The following SCAPER variants were observed in gnomAD, a reference collection of about 807,000 sequenced individuals.
The protein encoded by SCAPER is S phase cyclin A-associated protein in the endoplasmic reticulum.
In SCAPER, 98 loss-of-function variants were observed where a neutral mutation model predicts 182.2. That is an observed-to-expected ratio of 0.54 (90% confidence interval 0.46 to 0.64). The LOEUF is 0.64. SCAPER is among the 30% of genes least tolerant of loss of function. The pLI, the probability that SCAPER is intolerant of heterozygous loss-of-function variation, is 0.00. For synonymous variants in SCAPER, 605 were observed against 564.6 expected (o/e 1.07, Z -1.01); for missense variants, 1,432 against 1,690.0 (o/e 0.85, Z 2.68).
chr15:76,495,675 G>T lies in SCAPER; in HGVS notation c.2954+9184C>A, dbSNP rs550681414. 3.9e-5 allele frequency among the ~76,000 whole-genome samples: 6 copies of T among 151,928 alleles called. 1 individual carries two copies. The highest frequency in any genetic ancestry group is 1.4e-4 in the African/African-American group (6 of 41,430). On this transcript the variant is annotated intron_variant, in intron 24 of 31. Coordinates refer to ENST00000563290, the MANE Select transcript of SCAPER (RefSeq NM_020843.4). ...ACTATGTCATTCTTTGGGGTTTGGG[G>T]TAGATGAATAATATGGAGATACTTC...
intron 5 of SCAPER, among the ~76,000 whole-genome samples, chr15:76,819,458 T>C (rs1016368048): frequency 2.6e-5 from 4 of 152,188 alleles, no homozygotes; most frequent in Non-Finnish European, 4.4e-5. Context: ...CCACTGCTGC[T>C]GATACCCAGG....
intron 24 of SCAPER, among the ~76,000 whole-genome samples, chr15:76,479,379 C>T (rs1043360226): frequency 2.6e-5 from 4 of 152,078 alleles, no homozygotes; most frequent in Non-Finnish European, 5.9e-5. Context: ...CAGAAAGCAC[C>T]AGATTTTCAA....
At position 76,371,983 on chromosome 15, in the gene SCAPER, TC is replaced by T. The variant is rs556076057; in HGVS notation, c.3855+4178del. On this transcript the variant is annotated intron_variant, in intron 29 of 31. Coordinates refer to ENST00000563290, the MANE Select transcript of SCAPER (RefSeq NM_020843.4). ...CTCCATAATGTGCAGTGTCTCAGCT[TC>T]TTAGAATTACTATCTTTTCTATCAG... is the stretch of plus-strand genomic sequence containing the variant. Among the ~76,000 whole-genome samples the T allele has an allele frequency of 2.6e-5, 4 of 152,254 alleles. No homozygotes were observed. In the South Asian group the frequency reaches 8.3e-4, roughly 32 times the overall value.
intron 23 of SCAPER, among the ~76,000 whole-genome samples, chr15:76,556,024 C>T (rs190667163): frequency 1.2e-4 from 19 of 152,274 alleles, no homozygotes; most frequent in Admixed American, 1.1e-3. Context: ...CAAAATCATA[C>T]TGACCATACT....
intron 27 of SCAPER, among the ~76,000 whole-genome samples, chr15:76,382,156 G>A (rs557609601): frequency 2.6e-5 from 4 of 152,214 alleles, no homozygotes; most frequent in East Asian, 1.9e-4. Flanking sequence ...ACAGGTTGTA[G>A]AAGCCACAGT....
At chr15:76,893,695 A>G (rs1439491162) in intron 1 of SCAPER, among the ~76,000 whole-genome samples, 1 of 152,230 alleles carries the variant, frequency 6.6e-6, no homozygotes, top group East Asian at 1.9e-4. Flanking sequence ...AACAAATCCA[A>G]GAAGATTTAA....
chr15:76,617,254 T>TG (rs1242739377), intron 22 of SCAPER, among the ~76,000 whole-genome samples: 1 of 152,222 alleles, frequency 6.6e-6, no homozygotes, highest in African/African-American at 2.4e-5. Flanking sequence ...TTCTAGTGTT[T>TG]TTACAGTTTC....
intron 21 of SCAPER, among the ~76,000 whole-genome samples, chr15:76,629,930 A>G (rs2052944959): frequency 6.6e-6 from 1 of 152,130 alleles, no homozygotes; most frequent in African/African-American, 2.4e-5. Context: ...CACCTGCCTC[A>G]ATTTCAGAAC....
chr15:76,733,211 T>C lies in SCAPER; in HGVS notation c.2022+18A>G. On this transcript the variant is annotated intron_variant, in intron 16 of 31. Transcript: ENST00000563290. ...TGACAGGTGCTCAAGCAATGTTTGCTGAATAAAAAAATCCTACCTGCACAG... is the reference window on the plus strand; with the variant it reads ...TGACAGGTGCTCAAGCAATGTTTGCCGAATAAAAAAATCCTACCTGCACAG... 2 of 1,552,848 alleles carry C rather than the reference T, an allele frequency of 1.3e-6. No individual in the cohort carries two copies. Among genetic ancestry groups the C allele is most frequent in the Middle Eastern group, 1.7e-4 (1 of 5,982 alleles).
intron 22 of SCAPER, 131 bp downstream of exon 22, chr15:76,621,633 T>G: frequency 1.3e-6 from 1 of 754,108 alleles, no homozygotes; most frequent in Non-Finnish European, 2.2e-6. Flanking sequence ...TGGATACTAC[T>G]GTGTTAAGAG....
In SCAPER at chr15:76,485,897, A is replaced by C. The variant is rs184188130; in HGVS notation, c.2955-14562T>G. Among the ~76,000 whole-genome samples the C allele has an allele frequency of 4.2e-3, 641 of 152,284 alleles. 2 individuals carry two copies. The highest frequency in any genetic ancestry group is 6.3e-3 in the Non-Finnish European group (429 of 68,014). On this transcript the variant is annotated intron_variant, in intron 24 of 31. Transcript: ENST00000563290. ...GCAAAAATTAACTCGAGATGGATTA[A>C]AGACTTAAATGTAAAACCGAAAACT...
At chr15:76,893,113 G>A (rs1194231933) in intron 1 of SCAPER, among the ~76,000 whole-genome samples, 1 of 152,130 alleles carries the variant, frequency 6.6e-6, no homozygotes, top group African/African-American at 2.4e-5. Context: ...TCCTTGGGAT[G>A]GTAATTGAAC....
At chr15:76,807,148 C>T (rs532036462) in intron 5 of SCAPER, among the ~76,000 whole-genome samples, 16 of 152,178 alleles carry the variant, frequency 1.1e-4, no homozygotes, top group East Asian at 3.8e-4. Flanking sequence ...TCTTACCCAA[C>T]GGGAAAGCTT....
intron 23 of SCAPER, among the ~76,000 whole-genome samples, chr15:76,537,048 T>C (rs1013345586): frequency 5.3e-5 from 8 of 152,068 alleles, no homozygotes; most frequent in South Asian, 2.1e-4. Context: ...CTGCAAACCA[T>C]TGCTCAATGA....
intron 5 of SCAPER, among the ~76,000 whole-genome samples, chr15:76,816,398 C>T (rs900874489): frequency 3.3e-5 from 5 of 152,026 alleles, no homozygotes; most frequent in African/African-American, 1.2e-4. Flanking sequence ...AATGAAGACA[C>T]GAACACACAC....
intron 5 of SCAPER, among the ~76,000 whole-genome samples, chr15:76,817,342 T>TTA (rs995589339): frequency 9.9e-5 from 15 of 151,888 alleles, no homozygotes; most frequent in South Asian, 2.1e-4. Flanking sequence ...ATGATCTCAT[T>TTA]TATATATATA....
At chr15:76,757,455 T>TACACAC (rs67231689) in intron 14 of SCAPER, among the ~76,000 whole-genome samples, 14 of 150,520 alleles carry the variant, frequency 9.3e-5, no homozygotes, top group East Asian at 5.9e-4. Context: ...GTTTTATATA[T>TACACAC]ACACACACAC....
intron 22 of SCAPER, among the ~76,000 whole-genome samples, chr15:76,587,860 T>C (rs1306709795): frequency 1.3e-5 from 2 of 152,170 alleles, no homozygotes; most frequent in African/African-American, 4.8e-5. Flanking sequence ...TGCCTAGTGC[T>C]GTCAGTGGAG....
intron 31 of SCAPER, chr15:76,349,226 AAAG>A (rs1231684712): frequency 1.3e-5 from 2 of 152,284 alleles, no homozygotes; most frequent in African/African-American, 2.4e-5. Context: ...AAAACAAAAA[AAAG>A]AACAAACTAA....
Sources: gnomAD v4.1 joint callset for allele counts (sites outside exome capture counted in the v4.1 genomes callset) on GRCh38, gnomAD v4.1.1 for gene constraint, MANE v1.5 for transcripts, NCBI Gene and HGNC (gene_info 2026-07-23, HGNC 2026-07-21) for gene names.